CCDC73: variants seen among roughly 807,000 people sequenced by gnomAD.
CCDC73 encodes the protein coiled-coil domain containing 73.
Under a neutral mutation model 116.5 loss-of-function variants are expected in CCDC73, and 95 were observed. The observed-to-expected ratio is 0.82, with a 90% CI of 0.69 to 0.97. The LOEUF (loss-of-function observed/expected upper bound fraction) is 0.97, where lower values mean the gene tolerates loss of function less well. CCDC73 is among the 50% of genes least tolerant of loss of function. CCDC73 has a pLI of 0.00. For synonymous variants in CCDC73, 398 were observed against 401.3 expected, an observed-to-expected ratio of 0.99 and a Z score of 0.10; for missense variants, 1,066 against 1,206.8, an observed-to-expected ratio of 0.88 and a Z score of 1.73.
chr11:32,740,523 T>C (rs1850174034), intron 2 of CCDC73, among the ~76,000 whole-genome samples: 1 of 152,100 alleles, frequency 6.6e-6, no homozygotes, highest in African/African-American at 2.4e-5. Context: ...ATTTCTGCAG[T>C]ATCAGTTGTG....
intron 14 of CCDC73, among the ~76,000 whole-genome samples, chr11:32,625,454 AG>A (rs1855561940): frequency 6.6e-6 from 1 of 151,990 alleles, no homozygotes; most frequent in South Asian, 2.1e-4. Context: ...TTCCTTCAGG[AG>A]CTCTTATAGG....
At chr11:32,726,804 T>C (rs1180993037) in intron 2 of CCDC73, among the ~76,000 whole-genome samples, 1 of 152,038 alleles carries the variant, frequency 6.6e-6, no homozygotes, top group African/African-American at 2.4e-5. Context: ...AAAAATAAAA[T>C]ACCCAAATAT....
chr11:32,658,954 G>C (rs1386827061), intron 9 of CCDC73, among the ~76,000 whole-genome samples: 2 of 152,112 alleles, frequency 1.3e-5, no homozygotes, highest in African/African-American at 4.8e-5. Flanking sequence ...CTTCACTGAT[G>C]GAAGAGACAA....
chr11:32,659,862 G>A (rs1423476292), intron 9 of CCDC73, among the ~76,000 whole-genome samples: 2 of 152,046 alleles, frequency 1.3e-5, no homozygotes, highest in African/African-American at 4.8e-5. Flanking sequence ...ATTAACAAGA[G>A]GCCAATTCAG....
At chr11:32,625,889 A>G (rs1855568109) in intron 14 of CCDC73, among the ~76,000 whole-genome samples, 1 of 149,602 alleles carries the variant, frequency 6.7e-6, no homozygotes, top group Non-Finnish European at 1.5e-5. Flanking sequence ...AATGGGCAAA[A>G]ACTGGAAGCA....
At chr11:32,681,610 T>C (rs1856145178) in intron 7 of CCDC73, 2 of 152,010 alleles carry the variant, frequency 1.3e-5, no homozygotes, top group Non-Finnish European at 2.9e-5. Context: ...CTTAATAGTA[T>C]TTTTCAAGTT....
At chr11:32,618,813 A>G (rs751716107) in intron 14 of CCDC73, among the ~76,000 whole-genome samples, 1 of 152,026 alleles carries the variant, frequency 6.6e-6, no homozygotes, top group Non-Finnish European at 1.5e-5. Flanking sequence ...TGGCCTCCCA[A>G]TGTGCTGGGA....
chr11:32,675,874 G>T lies in CCDC73; in HGVS notation c.565+12C>A. ...CTACTGAATATGTATATTTAAATAA[G>T]ATAGCACATACCATTTTGTTCTAAC... On this transcript the variant is annotated intron_variant, in intron 8 of 17. Coordinates refer to ENST00000335185, the MANE Select transcript of CCDC73 (RefSeq NM_001008391.4). 6.3e-7 allele frequency: 1 copy of T among 1,578,966 alleles called. No homozygotes were observed. Among genetic ancestry groups the T allele is most frequent in the Non-Finnish European group, 8.6e-7 (1 of 1,161,552 alleles).
the CCDC73 span, among the ~76,000 whole-genome samples, chr11:32,803,518 T>C: frequency 6.6e-6 from 1 of 152,234 alleles, no homozygotes; most frequent in Non-Finnish European, 1.5e-5. Context: ...AATTATTTAG[T>C]CAATTCCATA....
At chr11:32,664,713 C>A (rs982681485) in intron 9 of CCDC73, among the ~76,000 whole-genome samples, 1 of 152,138 alleles carries the variant, frequency 6.6e-6, no homozygotes, top group Non-Finnish European at 1.5e-5. Context: ...TTGCCTTCTG[C>A]TAGCTTTTGA....
the CCDC73 span, chr11:32,830,282 A>G: frequency 1.1e-6 from 1 of 920,448 alleles, no homozygotes; most frequent in Non-Finnish European, 1.4e-6. Flanking sequence ...CCGCGGCGAC[A>G]GGTGCCCGAT....
intron 12 of CCDC73, among the ~76,000 whole-genome samples, chr11:32,644,859 C>G (rs1055021670): frequency 1.3e-5 from 2 of 152,034 alleles, no homozygotes; most frequent in Non-Finnish European, 2.9e-5. Context: ...CTGTATGTAG[C>G]CTTTTGAGTC....
At chr11:32,821,746 T>C in the CCDC73 span, among the ~76,000 whole-genome samples, 1 of 152,174 alleles carries the variant, frequency 6.6e-6, no homozygotes, top group Non-Finnish European at 1.5e-5. Context: ...GGAAATCCTA[T>C]TGGACAGAAA....
the CCDC73 span, among the ~76,000 whole-genome samples, chr11:32,803,283 G>C: frequency 3.3e-5 from 5 of 151,736 alleles, no homozygotes; most frequent in Admixed American, 2.0e-4. Flanking sequence ...TAGACACGGG[G>C]CTTCACCATG....
At chr11:32,681,526 T>C (rs1482030685) in intron 7 of CCDC73, 1 of 152,018 alleles carries the variant, frequency 6.6e-6, no homozygotes, top group African/African-American at 2.4e-5. Flanking sequence ...AAAATCAGCT[T>C]ACTGAATCAC....
intron 2 of CCDC73, among the ~76,000 whole-genome samples, chr11:32,732,873 T>G (rs1390206057): frequency 6.6e-6 from 1 of 152,096 alleles, no homozygotes; most frequent in Non-Finnish European, 1.5e-5. Flanking sequence ...AGAAGCAAAA[T>G]AACCAGCTAA....
At chr11:32,692,945 A>G (rs1856274120) in intron 6 of CCDC73, among the ~76,000 whole-genome samples, 1 of 152,196 alleles carries the variant, frequency 6.6e-6, no homozygotes, top group South Asian at 2.1e-4. Context: ...TTGTCAGGTA[A>G]TTTAGATGTA....
At chr11:32,702,797 T>C in intron 4 of CCDC73, 76 bp downstream of exon 4, 1 of 987,452 alleles carries the variant, frequency 1.0e-6, no homozygotes, top group Non-Finnish European at 1.6e-6. Flanking sequence ...GGAGAACAGC[T>C]TGCCATAATA....
chr11:32,754,468 G>C (rs1226946774), intron 2 of CCDC73, among the ~76,000 whole-genome samples: 1 of 151,932 alleles, frequency 6.6e-6, no homozygotes, highest in East Asian at 1.9e-4. Context: ...AGATAATAGA[G>C]AAAATAAGGG....
Sources: allele counts gnomAD v4.1 joint callset (sites outside exome capture counted in the v4.1 genomes callset), GRCh38; gene constraint gnomAD v4.1.1; transcripts MANE v1.5; gene names NCBI Gene and HGNC (gene_info 2026-07-23, HGNC 2026-07-21).